Variants in TGFBR2 observed in about 807,000 individuals in gnomAD.
TGFBR2 encodes the protein TGF-beta receptor type-2.
A neutral mutation model predicts 49.0 loss-of-function variants in TGFBR2; 18 were observed. The ratio of observed to expected loss-of-function variants is 0.37; its 90% CI spans 0.25 to 0.54. The LOEUF is 0.54. TGFBR2 is among the 20% of genes least tolerant of loss of function. The probability of loss-of-function intolerance (pLI) is 0.85; values close to 1 mark genes in which losing one functional copy is unlikely to be tolerated. For synonymous variants in TGFBR2, 282 were observed against 275.9 expected (o/e 1.02, Z -0.22); for missense variants, 525 against 722.6 (o/e 0.73, Z 3.13).
At chr3:30,606,552 G>T (rs900248730), upstream of TGFBR2, 2 of 291,186 alleles carry the variant, frequency 6.9e-6, no homozygotes, top group Non-Finnish European at 6.4e-6. Flanking sequence ...AGCTGTTGGC[G>T]AGGAGTTTCC....
At chr3:30,619,465 G>C (rs1698189225) in intron 1 of TGFBR2, among the ~76,000 whole-genome samples, 2 of 152,102 alleles carry the variant, frequency 1.3e-5, no homozygotes, top group South Asian at 4.1e-4. Context: ...GAGCATGGGG[G>C]CTGCCTCAGT....
chr3:30,609,049 T>C (rs994014259), intron 1 of TGFBR2, among the ~76,000 whole-genome samples: 1 of 152,246 alleles, frequency 6.6e-6, no homozygotes, highest in African/African-American at 2.4e-5. Flanking sequence ...ATTTCATCAA[T>C]ATACACACTT....
intron 4 of TGFBR2, 39 bp from the exon 5 acceptor site, chr3:30,674,066 G>A (rs746695958): frequency 9.3e-6 from 15 of 1,613,936 alleles, no homozygotes; most frequent in Non-Finnish European, 1.3e-5. Context: ...AAGGCAGCTG[G>A]AATTAAATGA....
chr3:30,607,649 T>C (rs148263363), intron 1 of TGFBR2, among the ~76,000 whole-genome samples: 2,683 of 151,976 alleles, frequency 0.018, 25 homozygotes, highest in Non-Finnish European at 0.026. Context: ...AGGCTGTAGA[T>C]TTTGCCTGGA....
intron 5 of TGFBR2, among the ~76,000 whole-genome samples, chr3:30,679,355 G>T (rs1413338025): frequency 6.6e-6 from 1 of 152,162 alleles, no homozygotes; most frequent in Non-Finnish European, 1.5e-5. Context: ...TCCCCTGAAT[G>T]CAGGGGAGCA....
intron 1 of TGFBR2, among the ~76,000 whole-genome samples, chr3:30,614,619 A>G (rs561639026): frequency 6.6e-6 from 1 of 152,332 alleles, no homozygotes; most frequent in South Asian, 2.1e-4. Flanking sequence ...CCCAATAATC[A>G]TAGTAGCTAC....
At chr3:30,652,119 T>A (rs1451987833) in intron 3 of TGFBR2, among the ~76,000 whole-genome samples, 1 of 152,080 alleles carries the variant, frequency 6.6e-6, no homozygotes, top group Non-Finnish European at 1.5e-5. Flanking sequence ...CTCAGTGAAC[T>A]GAAGGCAGGC....
intron 1 of TGFBR2, 79 bp downstream of exon 1, chr3:30,607,056 T>A: frequency 1.5e-6 from 2 of 1,296,850 alleles, no homozygotes; most frequent in Non-Finnish European, 2.1e-6. Flanking sequence ...CGCTTGACAG[T>A]CGGGCCCGGC....
At chr3:30,631,239 G>C (rs1817338) in intron 1 of TGFBR2, among the ~76,000 whole-genome samples, 14 of 151,686 alleles carry the variant, frequency 9.2e-5, no homozygotes, top group African/African-American at 3.4e-4. Context: ...ACGGGGTTTC[G>C]CCATATTGGC....
intron 1 of TGFBR2, among the ~76,000 whole-genome samples, chr3:30,625,913 C>T (rs953320067): frequency 6.6e-6 from 1 of 152,138 alleles, no homozygotes; most frequent in Non-Finnish European, 1.5e-5. Context: ...ACATTTTTTC[C>T]TATTGAATTC....
chr3:30,609,368 G>GATA (rs1697991078), intron 1 of TGFBR2, among the ~76,000 whole-genome samples: 1 of 152,128 alleles, frequency 6.6e-6, no homozygotes, highest in South Asian at 2.1e-4. Context: ...CTTAATGCAA[G>GATA]ATAATATATC....
rs565192515 is a variant in TGFBR2, at chr3:30,651,282, A to G, written c.454+822A>G. ...TCGTCCTCCCCTCACTCCCAATGCA[A>G]CAGATCATCTGTATTGACAATGTAT... On this transcript the variant is annotated intron_variant, in intron 3 of 6. Coordinates refer to ENST00000295754, the MANE Select transcript of TGFBR2 (RefSeq NM_003242.6). Among the ~76,000 whole-genome samples the G allele has an allele frequency of 3.3e-5, 5 of 152,306 alleles. No individual in the cohort carries two copies. In the South Asian group the frequency reaches 8.3e-4, roughly 25 times the overall value.
At chr3:30,623,562 T>C (rs1698275266) in intron 1 of TGFBR2, among the ~76,000 whole-genome samples, 2 of 152,198 alleles carry the variant, frequency 1.3e-5, no homozygotes, top group Admixed American at 6.5e-5. Context: ...CTTTTCCCCT[T>C]TTCTTATGGG....
chr3:30,628,269 G>T, intron 1 of TGFBR2, among the ~76,000 whole-genome samples: 1 of 152,018 alleles, frequency 6.6e-6, no homozygotes, highest in Non-Finnish European at 1.5e-5. Flanking sequence ...AAATTCTGGG[G>T]AAAGGGAAGT....
chr3:30,638,165 A>G (rs1248115476), intron 1 of TGFBR2, among the ~76,000 whole-genome samples: 1 of 152,220 alleles, frequency 6.6e-6, no homozygotes, highest in Non-Finnish European at 1.5e-5. Context: ...TTAACACAAT[A>G]TAGAGAACTC....
chr3:30,694,114 G>C lies in TGFBR2; in HGVS notation c.*2515G>C. 4.4e-6 allele frequency: 1 copy of C among 228,838 alleles called. No individual in the cohort carries two copies. Among genetic ancestry groups the C allele is most frequent in the East Asian group, 6.2e-5 (1 of 16,026 alleles). 14.2% of individuals were successfully genotyped at this position (228,838 alleles called of 1,614,324 possible). On this transcript the variant is annotated 3_prime_UTR_variant, in exon 7 of 7. Coordinates refer to ENST00000295754, the MANE Select transcript of TGFBR2 (RefSeq NM_003242.6). ...AGCAAAATACTCAGGTGAGCATCCT[G>C]CCTCCTGTTCCCATTCCTAGTAGCT...
rs541286856 is a variant in TGFBR2, at chr3:30,692,743, T to A, written c.*1144T>A. The A allele has an allele frequency of 3.4e-4, 79 of 233,230 alleles. No individual in the cohort carries two copies. The highest frequency in any genetic ancestry group is 1.7e-3 in the African/African-American group (76 of 45,450). 14.4% of individuals were successfully genotyped at this position (233,230 alleles called of 1,614,324 possible). A position where few individuals can be genotyped will look rare whatever the true frequency, so the allele number is the denominator to read the frequency against. On this transcript the variant is annotated 3_prime_UTR_variant, in exon 7 of 7. Transcript: ENST00000295754. ...TACTATCATTGTCAGGACTATGACC[T>A]CAGGCACTCTAAACATATGTTTTGT...
intron 3 of TGFBR2, among the ~76,000 whole-genome samples, chr3:30,659,887 G>GA (rs1240090926): frequency 3.3e-5 from 5 of 151,264 alleles, no homozygotes; most frequent in Non-Finnish European, 5.9e-5. Flanking sequence ...CCCACCAGGG[G>GA]AAAAAAAAGG....
intron 3 of TGFBR2, among the ~76,000 whole-genome samples, chr3:30,670,594 G>A (rs1699319614): frequency 1.3e-5 from 2 of 152,152 alleles, no homozygotes. Context: ...TCCACTGTCT[G>A]TTTCTATTCA....
Sources: allele counts gnomAD v4.1 joint callset (sites outside exome capture counted in the v4.1 genomes callset), GRCh38; gene constraint gnomAD v4.1.1; transcripts MANE v1.5; gene names NCBI Gene and HGNC (gene_info 2026-07-23, HGNC 2026-07-21).